Variants in EGFR observed in about 807,000 individuals in gnomAD.
The protein encoded by EGFR is epidermal growth factor receptor, also known as avian erythroblastic leukemia viral (v-erb-b) oncogene homolog.
In EGFR, 58 loss-of-function variants were observed where a neutral mutation model predicts 143.0. The observed-to-expected ratio is 0.41, with a 90% CI of 0.33 to 0.50. EGFR has a LOEUF of 0.50. Among genes scored for constraint, EGFR ranks in the 20% least tolerant of loss-of-function variants. The probability of loss-of-function intolerance (pLI) is 0.39; values close to 1 mark genes in which losing one functional copy is unlikely to be tolerated. For missense variants in EGFR, 1,307 were observed against 1,579.0 expected (o/e 0.83, Z 2.92); for synonymous variants, 613 against 594.4 (o/e 1.03, Z -0.45).
chr7:55,143,582 G>A, intron 3 of EGFR, 94 bp downstream of exon 3: 1 of 1,432,062 alleles, frequency 7.0e-7, no homozygotes, highest in South Asian at 1.2e-5. Flanking sequence ...CCACCTCGGA[G>A]AAGGCTTTTA....
intron 4 of EGFR, among the ~76,000 whole-genome samples, chr7:55,147,126 A>G (rs1794808955): frequency 6.6e-6 from 1 of 152,202 alleles, no homozygotes; most frequent in Non-Finnish European, 1.5e-5. Context: ...CTCCTGAAGC[A>G]CCAGGGCTGA....
At chr7:55,157,975 T>C (rs1785513412) in intron 11 of EGFR, among the ~76,000 whole-genome samples, 1 of 152,360 alleles carries the variant, frequency 6.6e-6, no homozygotes, top group South Asian at 2.1e-4. Context: ...CCAGTGCTTC[T>C]GCTTCTGTGT....
chr7:55,184,079 G>A (rs1043534603), intron 20 of EGFR, among the ~76,000 whole-genome samples: 1 of 152,232 alleles, frequency 6.6e-6, no homozygotes, highest in African/African-American at 2.4e-5. Flanking sequence ...TGGCGCATTC[G>A]CCGTGTGAAC....
intron 1 of EGFR, among the ~76,000 whole-genome samples, chr7:55,086,501 A>G: frequency 6.6e-6 from 1 of 152,192 alleles, no homozygotes. Flanking sequence ...TTCTGTTTTA[A>G]TTTGAGCTGC....
intron 1 of EGFR, among the ~76,000 whole-genome samples, chr7:55,032,314 C>T (rs957131484): frequency 2.6e-5 from 4 of 152,196 alleles, no homozygotes; most frequent in African/African-American, 9.7e-5. Context: ...TTAAATCATT[C>T]AGCCCATCTC....
At chr7:55,170,963 T>C (rs1001239268) in intron 15 of EGFR, 43 of 1,444,820 alleles carry the variant, frequency 3.0e-5, no homozygotes, top group South Asian at 2.8e-4. Context: ...TGTCACAGAG[T>C]AGAAACTCAA....
chr7:55,031,855 A>G (rs1787268165), intron 1 of EGFR, among the ~76,000 whole-genome samples: 4 of 152,194 alleles, frequency 2.6e-5, no homozygotes, highest in Admixed American at 6.5e-5. Context: ...GGAAAATATT[A>G]GCATTCCTCT....
At chr7:55,121,017 T>G (rs903684010) in intron 1 of EGFR, among the ~76,000 whole-genome samples, 7 of 152,172 alleles carry the variant, frequency 4.6e-5, no homozygotes, top group Non-Finnish European at 7.3e-5. Context: ...AAGAGATAAG[T>G]GGATCTTCTA....
chr7:55,026,600 C>A (rs1367522453), intron 1 of EGFR, among the ~76,000 whole-genome samples: 5 of 152,170 alleles, frequency 3.3e-5, no homozygotes, highest in African/African-American at 1.2e-4. Flanking sequence ...CCCGAGATAA[C>A]CCCCCTCCAG....
At chr7:55,151,883 A>T (rs1322127591) in intron 5 of EGFR, among the ~76,000 whole-genome samples, 2 of 152,130 alleles carry the variant, frequency 1.3e-5, no homozygotes, top group Non-Finnish European at 2.9e-5. Context: ...CAAAACAACA[A>T]CAACAACAAC....
rs2128970042 is a variant in EGFR, at chr7:55,200,425, A to G, written c.2946+12A>G. The G allele has an allele frequency of 6.2e-7, 1 of 1,612,206 alleles. No homozygotes were observed. Among genetic ancestry groups the G allele is most frequent in the Non-Finnish European group, 8.5e-7 (1 of 1,178,278 alleles). Reference sequence around the variant, plus strand: ...ACCTTGTCATTCAGGTACAAATTGCAGTCTGTGCTTCCATTGGGAAGAGTC... The same window carrying G: ...ACCTTGTCATTCAGGTACAAATTGCGGTCTGTGCTTCCATTGGGAAGAGTC... On this transcript the variant is annotated intron_variant, in intron 24 of 27. Transcript: ENST00000275493.
chr7:55,113,698 G>A (rs1290975107), intron 1 of EGFR, among the ~76,000 whole-genome samples: 2 of 152,206 alleles, frequency 1.3e-5, no homozygotes, highest in Non-Finnish European at 2.9e-5. Context: ...CCCTATGAGT[G>A]CACAGAACTT....
chr7:55,059,523 T>C (rs1789042018), intron 1 of EGFR, among the ~76,000 whole-genome samples: 2 of 152,046 alleles, frequency 1.3e-5, no homozygotes, highest in South Asian at 4.2e-4. Context: ...TGGTGTACGT[T>C]CTTCAGGTCT....
At chr7:55,060,611 A>T (rs1040546636) in intron 1 of EGFR, among the ~76,000 whole-genome samples, 1 of 152,130 alleles carries the variant, frequency 6.6e-6, no homozygotes, top group Non-Finnish European at 1.5e-5. Context: ...TGAGTTTCTC[A>T]TTATTTTACC....
chr7:55,044,930 T>C lies in EGFR; in HGVS notation c.88+25565T>C, dbSNP rs547961784. 2.7e-3 allele frequency among the ~76,000 whole-genome samples: 410 copies of C among 152,318 alleles called. 2 individuals are homozygous for C. The highest frequency in any genetic ancestry group is 2.7e-3 in the Non-Finnish European group (184 of 68,036). On this transcript the variant is annotated intron_variant, in intron 1 of 27. Transcript: ENST00000275493. ...AAGAAAGAAGGCTGTGTTCATGGCC[T>C]TTGTTGTTTACGTGGCCCTGTGATT... is the stretch of plus-strand genomic sequence containing the variant.
intron 1 of EGFR, among the ~76,000 whole-genome samples, chr7:55,130,238 C>A (rs1793756950): frequency 6.6e-6 from 1 of 152,220 alleles, no homozygotes; most frequent in Non-Finnish European, 1.5e-5. Context: ...GGCAGGGGAG[C>A]CATCTAATGT....
chr7:55,168,580 C>T (rs1193650415), intron 15 of EGFR: 2 of 1,611,718 alleles, frequency 1.2e-6, no homozygotes, highest in Non-Finnish European at 1.7e-6. Context: ...CATTTCCTTT[C>T]TACAATTTCA....
chr7:55,121,029 T>A (rs1308658948), intron 1 of EGFR, among the ~76,000 whole-genome samples: 1 of 152,182 alleles, frequency 6.6e-6, no homozygotes, highest in African/African-American at 2.4e-5. Flanking sequence ...GATCTTCTAG[T>A]GAGAGGTCAT....
intron 1 of EGFR, among the ~76,000 whole-genome samples, chr7:55,064,696 A>G (rs1049809303): frequency 6.6e-6 from 1 of 152,262 alleles, no homozygotes; most frequent in Non-Finnish European, 1.5e-5. Context: ...AAAGATAGTG[A>G]AACCATTATA....
Sources: allele counts gnomAD v4.1 joint callset (sites outside exome capture counted in the v4.1 genomes callset), GRCh38; gene constraint gnomAD v4.1.1; transcripts MANE v1.5; gene names NCBI Gene and HGNC (gene_info 2026-07-23, HGNC 2026-07-21).